The following IGF2R variants were observed in gnomAD, a reference collection of about 807,000 sequenced individuals.
IGF2R encodes the protein insulin like growth factor 2 receptor, also known as cation-independent mannose-6-phosphate receptor.
Under a neutral mutation model 270.6 loss-of-function variants are expected in IGF2R, and 91 were observed. The observed-to-expected ratio is 0.34, with a 90% CI of 0.28 to 0.40. The LOEUF is 0.40. IGF2R is among the 10% of genes least tolerant of loss of function. The pLI is 1.00. For synonymous variants in IGF2R, 1,316 were observed against 1,258.9 expected, an observed-to-expected ratio of 1.05 and a Z score of -0.96; for missense variants, 2,805 against 3,188.3, an observed-to-expected ratio of 0.88 and a Z score of 2.90.
intron 20 of IGF2R, among the ~76,000 whole-genome samples, chr6:160,057,212 G>C (rs1778334981): frequency 6.6e-6 from 1 of 152,214 alleles, no homozygotes; most frequent in South Asian, 2.1e-4. Flanking sequence ...GTGCCTACTG[G>C]CTCCTCCCGC....
chr6:160,003,789 G>A (rs1784167584), intron 2 of IGF2R: 1 of 152,198 alleles, frequency 6.6e-6, no homozygotes, highest in Non-Finnish European at 1.5e-5. Context: ...CAATGGCTAA[G>A]TAGTATGTTA....
chr6:160,009,285 G>C, intron 3 of IGF2R, 151 bp downstream of exon 3: 1 of 613,564 alleles, frequency 1.6e-6, no homozygotes, highest in Non-Finnish European at 2.7e-6. Flanking sequence ...TCATCATCAA[G>C]AACCAATAAG....
intron 19 of IGF2R, among the ~76,000 whole-genome samples, chr6:160,052,752 C>A (rs191810668): frequency 1.3e-5 from 2 of 152,050 alleles, no homozygotes; most frequent in African/African-American, 2.4e-5. Flanking sequence ...CCAATGGAAC[C>A]GAACAGAGTC....
intron 36 of IGF2R, among the ~76,000 whole-genome samples, chr6:160,076,995 T>G (rs1167636489): frequency 6.6e-6 from 1 of 152,116 alleles, no homozygotes; most frequent in African/African-American, 2.4e-5. Context: ...TGGAGCAGGT[T>G]TGTAAAGGGA....
intron 6 of IGF2R, 82 bp downstream of exon 6, chr6:160,027,396 T>A: frequency 3.4e-6 from 5 of 1,456,028 alleles, no homozygotes; most frequent in Non-Finnish European, 4.6e-6. Flanking sequence ...GAACATCCTT[T>A]TTCAGCAAGG....
chr6:160,028,060 G>C (rs1281338681), intron 6 of IGF2R, among the ~76,000 whole-genome samples: 2 of 152,194 alleles, frequency 1.3e-5, no homozygotes, highest in Admixed American at 6.5e-5. Flanking sequence ...GTGTGTGTCT[G>C]TATTAGTTTG....
chr6:159,984,957 G>A (rs753623581), intron 1 of IGF2R, among the ~76,000 whole-genome samples: 2 of 152,100 alleles, frequency 1.3e-5, no homozygotes, highest in Non-Finnish European at 2.9e-5. Flanking sequence ...TTAATCATGG[G>A]TATGTATGTA....
intron 46 of IGF2R, among the ~76,000 whole-genome samples, 178 bp from the exon 47 acceptor site, chr6:160,103,568 A>G (rs998729987): frequency 7.9e-5 from 12 of 152,178 alleles, no homozygotes; most frequent in African/African-American, 2.9e-4. Flanking sequence ...CAATCACAAC[A>G]AATACATTAG....
chr6:159,973,905 T>A (rs1783649816), intron 1 of IGF2R, among the ~76,000 whole-genome samples: 1 of 152,250 alleles, frequency 6.6e-6, no homozygotes, highest in East Asian at 1.9e-4. Context: ...GAACTGAGCC[T>A]AGTGGCAGAG....
chr6:160,087,769 G>A (rs1241346741), intron 41 of IGF2R, among the ~76,000 whole-genome samples: 2 of 152,074 alleles, frequency 1.3e-5, no homozygotes, highest in Admixed American at 6.5e-5. Context: ...TCTGCCTCCC[G>A]GGTTCAAGCA....
At chr6:159,996,752 TCTG>T (rs1224181489) in intron 2 of IGF2R, among the ~76,000 whole-genome samples, 2 of 152,186 alleles carry the variant, frequency 1.3e-5, no homozygotes, top group African/African-American at 4.8e-5. Flanking sequence ...CAATGTGTCT[TCTG>T]TAGTGAGCCT....
chr6:160,077,811 G>T (rs886863202), intron 36 of IGF2R, among the ~76,000 whole-genome samples: 5 of 152,226 alleles, frequency 3.3e-5, no homozygotes, highest in African/African-American at 1.2e-4. Context: ...GTGGCATCTT[G>T]CCCCTTGAAT....
rs373060598 is a variant in IGF2R at position 160,098,935 on chromosome 6, A to G, written c.6842+2310A>G. Among the ~76,000 whole-genome samples the G allele has an allele frequency of 1.1e-4, 16 of 152,356 alleles. 2 individuals are homozygous for G. The highest frequency in any genetic ancestry group is 3.8e-4 in the African/African-American group (16 of 41,582). The stretch of plus-strand genomic sequence containing the variant: ...ATTTACCTCAGTATTTTAAATTAAC[A>G]TCCTATATCTCATCTGTTGACTTCC... On this transcript the variant is annotated intron_variant, in intron 45 of 47. Coordinates refer to ENST00000356956, the MANE Select transcript of IGF2R (RefSeq NM_000876.4).
rs1305778297 is a variant in IGF2R, at chr6:160,106,615, C to T, written c.*1531C>T. 1.3e-5 allele frequency: 2 copies of T among 152,096 alleles called. No individual in the cohort carries two copies. Among genetic ancestry groups the T allele is most frequent in the African/African-American group, 4.8e-5 (2 of 41,422 alleles). The allele number at this position is 152,096 out of a possible 1,614,324, so 9.4% of individuals were successfully genotyped here. On this transcript the variant is annotated 3_prime_UTR_variant, in exon 48 of 48. Transcript: ENST00000356956. The stretch of plus-strand genomic sequence containing the variant: ...CCGAGCGAGTTACCCATCTGCCTGC[C>T]TGTCTTTTCTTTCTGTTAAGTGACT...
intron 4 of IGF2R, among the ~76,000 whole-genome samples, chr6:160,017,031 T>C (rs762928289): frequency 1.3e-4 from 20 of 152,162 alleles, no homozygotes; most frequent in Non-Finnish European, 2.8e-4. Flanking sequence ...AGTGAAATGC[T>C]TGAAATACTA....
chr6:160,062,362 C>T (rs1292201829), intron 25 of IGF2R, among the ~76,000 whole-genome samples, 170 bp from the exon 26 acceptor site: 6 of 151,776 alleles, frequency 4.0e-5, no homozygotes, highest in Admixed American at 6.6e-5. Flanking sequence ...TTAGTAGAGA[C>T]GGGGTTTCAC....
chr6:160,068,397 C>G lies in IGF2R; in HGVS notation c.4252+12C>G. 1 of 1,613,098 alleles carries G rather than the reference C, an allele frequency of 6.2e-7. No homozygotes were observed. Among genetic ancestry groups the G allele is most frequent in the Non-Finnish European group, 8.5e-7 (1 of 1,179,878 alleles). The stretch of plus-strand genomic sequence containing the variant: ...GCAGGCTGGCACTGGTGAGAGAGGG[C>G]CTCCTCGTGGGGTGGTGTTTGCAGT... On this transcript the variant is annotated intron_variant, in intron 30 of 47. Coordinates refer to ENST00000356956, the MANE Select transcript of IGF2R (RefSeq NM_000876.4).
At chr6:159,970,633 CTAGTT>C (rs909050875) in intron 1 of IGF2R, among the ~76,000 whole-genome samples, 1 of 152,132 alleles carries the variant, frequency 6.6e-6, no homozygotes, top group Non-Finnish European at 1.5e-5. Flanking sequence ...GTTTGTGACA[CTAGTT>C]TAAAGACCAG....
At position 160,047,225 on chromosome 6, in the gene IGF2R, A is replaced by G. The variant is rs745584305; in HGVS notation, c.2118A>G (p.Gln706=). 15 of 1,613,972 alleles carry G rather than the reference A, an allele frequency of 9.3e-6. No individual in the cohort carries two copies. In the African/African-American group the frequency reaches 1.6e-4, roughly 17 times the overall value. The change falls in exon 16 of 48, where the codon CAA becomes CAG. Residue 706 remains glutamine, a synonymous_variant. Transcript: ENST00000356956. The part of the protein sequence containing the change: ...AKLSYYDGMI[Q]LNYRGGTPYN... ...TTTCATATTATGATGGGATGATCCA[A>G]CTGAACTACAGAGGCGGCACACCCT... is the stretch of plus-strand genomic sequence containing the variant.
Sources: gnomAD v4.1 joint callset for allele counts (sites outside exome capture counted in the v4.1 genomes callset) on GRCh38, gnomAD v4.1.1 for gene constraint, MANE v1.5 for transcripts, NCBI Gene and HGNC (gene_info 2026-07-23, HGNC 2026-07-21) for gene names.